MAMDC2: variants seen among roughly 807,000 people sequenced by gnomAD.
The protein encoded by MAMDC2 is MAM domain containing 2.
In MAMDC2, 57 loss-of-function variants were observed where a neutral mutation model predicts 89.8. The ratio of observed to expected loss-of-function variants is 0.63; its 90% confidence interval spans 0.51 to 0.79. The LOEUF (loss-of-function observed/expected upper bound fraction) is 0.79. Ranked by LOEUF, MAMDC2 falls within the 30% of genes least tolerant of loss-of-function variation. MAMDC2 has a pLI of 0.00. For missense variants in MAMDC2, 800 were observed against 820.6 expected (o/e 0.97, Z 0.31); for synonymous variants, 313 against 293.4 (o/e 1.07, Z -0.68).
At chr9:70,130,970 T>C (rs906548628) in intron 6 of MAMDC2, among the ~76,000 whole-genome samples, 3 of 152,324 alleles carry the variant, frequency 2.0e-5, no homozygotes, top group African/African-American at 7.2e-5. Flanking sequence ...AGACTCTGTC[T>C]TGGTTCATTC....
intron 2 of MAMDC2, chr9:70,083,381 G>A (rs537020777): frequency 3.3e-5 from 5 of 151,458 alleles, no homozygotes; most frequent in East Asian, 1.9e-4. Flanking sequence ...TTCATATATC[G>A]TTGCTTTTAT....
intron 11 of MAMDC2, among the ~76,000 whole-genome samples, chr9:70,199,354 T>A (rs987375608): frequency 6.8e-6 from 1 of 148,024 alleles, no homozygotes; most frequent in African/African-American, 2.5e-5. Context: ...TCCAATTTCA[T>A]CCATGTCCCT....
chr9:70,140,370 A>C (rs544084018), intron 8 of MAMDC2, 82 bp downstream of exon 8: 2 of 1,410,342 alleles, frequency 1.4e-6, no homozygotes, highest in East Asian at 5.4e-5. Context: ...ACCTGCAAAG[A>C]CATCGACTTA....
At chr9:70,049,418 G>T (rs1826838158) in intron 2 of MAMDC2, among the ~76,000 whole-genome samples, 1 of 152,018 alleles carries the variant, frequency 6.6e-6, no homozygotes, top group South Asian at 2.1e-4. Context: ...ATTTCTTGAG[G>T]CTCAGCTAGA....
chr9:70,159,836 C>T (rs991827751), intron 9 of MAMDC2, among the ~76,000 whole-genome samples: 2 of 152,112 alleles, frequency 1.3e-5, no homozygotes, highest in Admixed American at 6.6e-5. Flanking sequence ...GGGAGGTGGG[C>T]CAGAGAGAAA....
intron 2 of MAMDC2, among the ~76,000 whole-genome samples, chr9:70,106,707 T>C (rs1828351376): frequency 6.6e-6 from 1 of 152,198 alleles, no homozygotes; most frequent in African/African-American, 2.4e-5. Flanking sequence ...CAAGGGTGCC[T>C]GGGTTGGCAT....
At position 70,044,206 on chromosome 9, in the gene MAMDC2, A is replaced by C; in HGVS notation, c.9A>C (p.Leu3Phe). 1.2e-6 allele frequency: 2 copies of C among 1,613,636 alleles called. No individual in the cohort carries two copies. The highest frequency in any genetic ancestry group is 1.6e-4 in the Middle Eastern group (1 of 6,062). ...CTCCCTGAAACGCGACCATGCTGTT[A>C]AGGGGCGTCCTCCTGGCGTTGCAAG... ML[L>F]RGVLLALQAL... The change falls in exon 1 of 14, where the codon TTA becomes TTC. Residue 3 changes from leucine (L) to phenylalanine (F), a missense_variant. Coordinates refer to ENST00000377182, the MANE Select transcript of MAMDC2 (RefSeq NM_153267.5).
At chr9:70,215,629 G>A (rs1206969926) in intron 11 of MAMDC2, among the ~76,000 whole-genome samples, 1 of 152,218 alleles carries the variant, frequency 6.6e-6, no homozygotes, top group Non-Finnish European at 1.5e-5. Flanking sequence ...ACTGCATTCA[G>A]GAATCCCCAG....
intron 2 of MAMDC2, among the ~76,000 whole-genome samples, chr9:70,105,432 G>T (rs1215966688): frequency 1.3e-5 from 2 of 152,140 alleles, no homozygotes; most frequent in Non-Finnish European, 2.9e-5. Context: ...CGGTGCTTGG[G>T]CTAATGATTA....
At chr9:70,086,108 A>G (rs1489190046) in intron 2 of MAMDC2, 1 of 152,074 alleles carries the variant, frequency 6.6e-6, no homozygotes, top group African/African-American at 2.4e-5. Flanking sequence ...GTGGTGGACA[A>G]CAATTCTGGC....
intron 11 of MAMDC2, among the ~76,000 whole-genome samples, chr9:70,182,556 AT>A (rs1320947688): frequency 1.3e-5 from 2 of 152,056 alleles, no homozygotes; most frequent in African/African-American, 4.8e-5. Context: ...CTATTCAGGG[AT>A]TCTACTTCTT....
chr9:70,091,173 T>C (rs1412793713), intron 2 of MAMDC2, among the ~76,000 whole-genome samples: 1 of 152,174 alleles, frequency 6.6e-6, no homozygotes, highest in Admixed American at 6.5e-5. Flanking sequence ...GAATTATGTA[T>C]CATTCTGTAT....
Position 70,044,118 on chromosome 9 carries a change from A to T in MAMDC2, c.-80A>T. 1 of 1,559,372 alleles carries T rather than the reference A, an allele frequency of 6.4e-7. No individual in the cohort carries two copies. The highest frequency in any genetic ancestry group is 1.1e-5 in the South Asian group (1 of 89,696). ...GTCCCCGGCGCCCCCGCCTCCCACG[A>T]TCCCTTTCACTAGGAGCAGCCAGTC... is the stretch of plus-strand genomic sequence containing the variant. On this transcript the variant is annotated 5_prime_UTR_variant, in exon 1 of 14. Transcript: ENST00000377182.
chr9:70,087,857 C>T (rs766895758), intron 2 of MAMDC2, among the ~76,000 whole-genome samples: 15 of 152,180 alleles, frequency 9.9e-5, no homozygotes, highest in Non-Finnish European at 1.6e-4. Flanking sequence ...CATTGCAGAG[C>T]TGCCTGCACT....
chr9:70,208,156 C>A (rs993057151), intron 11 of MAMDC2, among the ~76,000 whole-genome samples: 7 of 152,080 alleles, frequency 4.6e-5, no homozygotes, highest in Non-Finnish European at 1.0e-4. Context: ...TAGTTTTTTC[C>A]AATTCTGTGA....
chr9:70,149,452 A>C (rs536333895), intron 9 of MAMDC2, among the ~76,000 whole-genome samples: 13 of 152,202 alleles, frequency 8.5e-5, no homozygotes, highest in Admixed American at 5.2e-4. Context: ...GGAGCTCTGA[A>C]ACTGGTGTGG....
At chr9:70,090,998 C>G (rs1827886210) in intron 2 of MAMDC2, among the ~76,000 whole-genome samples, 1 of 151,944 alleles carries the variant, frequency 6.6e-6, no homozygotes, top group Non-Finnish European at 1.5e-5. Flanking sequence ...TGAAGAACAG[C>G]ATGGCACAGA....
intron 2 of MAMDC2, among the ~76,000 whole-genome samples, chr9:70,051,895 A>ATAGC (rs994154447): frequency 2.0e-5 from 3 of 150,638 alleles, no homozygotes; most frequent in Non-Finnish European, 2.9e-5. Flanking sequence ...ATAGAGATAG[A>ATAGC]TAGATAGATA....
intron 2 of MAMDC2, among the ~76,000 whole-genome samples, chr9:70,089,929 T>G (rs1322762245): frequency 6.6e-6 from 1 of 152,144 alleles, no homozygotes; most frequent in Admixed American, 6.5e-5. Context: ...TGTCTTATAC[T>G]CATGTAAATA....
Sources: allele counts gnomAD v4.1 joint callset (sites outside exome capture counted in the v4.1 genomes callset), GRCh38; gene constraint gnomAD v4.1.1; transcripts MANE v1.5; gene names NCBI Gene and HGNC (gene_info 2026-07-23, HGNC 2026-07-21).